The following HAS1 variants were observed in gnomAD, a reference collection of about 807,000 sequenced individuals.
HAS1 encodes HA synthase 1.
Under a neutral mutation model 35.0 loss-of-function variants are expected in HAS1, and 27 were observed. That is an observed-to-expected ratio of 0.77 (90% CI 0.57 to 1.06). The LOEUF is 1.06. HAS1 is among the 50% of genes least tolerant of loss of function. HAS1 has a pLI of 0.00. For missense variants in HAS1, 940 were observed against 814.8 expected (o/e 1.15, Z -1.87); for synonymous variants, 409 against 371.2 (o/e 1.10, Z -1.17).
chr19:51,717,120 C>CG lies in HAS1; in HGVS notation c.772dup (p.Arg258ProfsTer13), dbSNP rs2083592635. 6.2e-7 allele frequency: 1 copy of CG among 1,613,992 alleles called. No homozygotes were observed. Among genetic ancestry groups the CG allele is most frequent in the Admixed American group, 1.7e-5 (1 of 60,014 alleles). ...CACGTCCCCACCAACAGCCCCTACC[C>CG]GGGGGTCCTCGTCCAGTACCCGCAC... On this transcript the variant is annotated frameshift_variant, in exon 3 of 5. Coordinates refer to ENST00000540069, the MANE Select transcript of HAS1 (RefSeq NM_001297436.2). LOFTEE classifies it high-confidence loss of function.
chr19:51,714,708 A>C (rs1254992274), intron 4 of HAS1, among the ~76,000 whole-genome samples: 2 of 150,488 alleles, frequency 1.3e-5, no homozygotes, highest in African/African-American at 2.4e-5. Context: ...GAAAAAAAAA[A>C]AGGCTCTCAT....
chr19:51,714,198 G>C, intron 4 of HAS1, 96 bp from the exon 5 acceptor site: 1 of 1,523,100 alleles, frequency 6.6e-7, no homozygotes, highest in South Asian at 1.2e-5. Context: ...CGGCCACTGG[G>C]GGCGAGTTTC....
At chr19:51,720,062 G>C (rs1021649375) in intron 1 of HAS1, 167 bp from the exon 2 acceptor site, 5 of 553,412 alleles carry the variant, frequency 9.0e-6, no homozygotes, top group Admixed American at 3.6e-5. Flanking sequence ...CTCTCTCTCT[G>C]TGTCTGTCTC....
At chr19:51,716,099 G>A (rs1220250724) in intron 4 of HAS1, 157 bp downstream of exon 4, 7 of 657,206 alleles carry the variant, frequency 1.1e-5, no homozygotes, top group Non-Finnish European at 1.8e-5. Flanking sequence ...TGGCCCCTCT[G>A]CCCATTATGG....
In HAS1 at chr19:51,719,209, C is replaced by A; in HGVS notation, c.696G>T (p.Val232=). The A allele has an allele frequency of 6.4e-7, 1 of 1,560,282 alleles. No homozygotes were observed. Among genetic ancestry groups the A allele is most frequent in the South Asian group, 1.2e-5 (1 of 83,748 alleles). ...FKALGDSVDY[V]QVCDSDTRLD... ...GGCTGAAGGCGCCTCTACTCACCTG[C>A]ACGTAGTCCACCGAATCTCCGAGCG... is the stretch of plus-strand genomic sequence containing the variant. Residue 232 remains valine, a synonymous_variant, in exon 2 of 5, where the codon GTG becomes GTT. Transcript: ENST00000540069.
chr19:51,718,303 G>A (rs898782379), intron 2 of HAS1, among the ~76,000 whole-genome samples: 3 of 151,890 alleles, frequency 2.0e-5, no homozygotes, highest in Non-Finnish European at 4.4e-5. Flanking sequence ...AAATTAATCT[G>A]TATATTGAAT....
chr19:51,714,171 GA>G, intron 4 of HAS1, 69 bp from the exon 5 acceptor site: 2 of 1,556,266 alleles, frequency 1.3e-6, no homozygotes, highest in Non-Finnish European at 1.7e-6. Flanking sequence ...TCTGGAGGCA[GA>G]AATGACCACT....
rs1486517062 is a variant in HAS1 at position 51,719,796 on chromosome 19, A to T, written c.109T>A (p.Trp37Arg). The T allele has an allele frequency of 9.0e-6, 14 of 1,560,040 alleles. No homozygotes were observed. The highest frequency in any genetic ancestry group is 1.4e-5 in the African/African-American group (1 of 73,890). The stretch of plus-strand genomic sequence containing the variant: ...AGCGGCACCCCGGCGGCGTAGGCCC[A>T]GGTCATGAGGCCCAGGATGAGCAGG... ...FALLILGLMT[W>R]AYAAGVPLAS... is the part of the protein sequence containing the mutation. Residue 37 changes from tryptophan to arginine, a missense_variant, in exon 2 of 5, where the codon TGG (tryptophan) becomes AGG (arginine). Physicochemically the swap from Trp to Arg is moderately radical, Grantham distance 101 (BLOSUM62 -3). Transcript: ENST00000540069.
intron 4 of HAS1, among the ~76,000 whole-genome samples, chr19:51,714,370 C>CTAAATAAATAAATAAATAAA (rs112842145): frequency 0.03 from 4,340 of 144,010 alleles, 110 homozygotes; most frequent in South Asian, 0.051. Context: ...CCCATCTCTA[C>CTAAATAAATAAATAAATAAA]TAAATAAATA....
At chr19:51,723,063 G>T (rs941828476) in intron 1 of HAS1, among the ~76,000 whole-genome samples, 1 of 152,098 alleles carries the variant, frequency 6.6e-6, no homozygotes, top group Non-Finnish European at 1.5e-5. Flanking sequence ...AGTTCCTAGG[G>T]ATGGCTCAAT....
At position 51,713,915 on chromosome 19, in the gene HAS1, C is replaced by T. The variant is rs751344880; in HGVS notation, c.1246G>A (p.Ala416Thr). 6 of 1,607,716 alleles carry T rather than the reference C, an allele frequency of 3.7e-6. No individual in the cohort carries two copies. The highest frequency in any genetic ancestry group is 4.2e-6 in the Non-Finnish European group (5 of 1,179,968). Residue 416 changes from alanine (A) to threonine (T), a missense_variant, in exon 5 of 5, where the codon GCC becomes ACC. Coordinates refer to ENST00000540069, the MANE Select transcript of HAS1 (RefSeq NM_001297436.2). This position sits in a 1 kb window ranked among gnomAD's most constrained non-coding sequence, Gnocchi z 4.5. ...GCGTAGAACAGACGCAGCACAGTGG[C>T]CGCCACGAAGAAGGGGAACAGGCCG... ...VSGLFPFFVA[A>T]TVLRLFYAGR...
At chr19:51,721,639 G>A (rs79204148) in intron 1 of HAS1, among the ~76,000 whole-genome samples, 6 of 152,210 alleles carry the variant, frequency 3.9e-5, no homozygotes, top group Admixed American at 2.0e-4. Flanking sequence ...GGTGGCGCAC[G>A]ACTGTAGTCT....
At chr19:51,714,756 G>A (rs1442191936) in intron 4 of HAS1, among the ~76,000 whole-genome samples, 1 of 148,244 alleles carries the variant, frequency 6.7e-6, no homozygotes, top group Non-Finnish European at 1.5e-5. Flanking sequence ...GAAATTAAAC[G>A]CCAAGTGCTT....
In HAS1 at chr19:51,719,987, C is replaced by T. The variant is rs1338653198; in HGVS notation, c.10-92G>A. ...GATTAAAAATCCTTTCCTTCCTTCC[C>T]TCCTTCCCTTTCCCTCCCCTCCCTC... On this transcript the variant is annotated intron_variant, in intron 1 of 4. Transcript: ENST00000540069. The T allele has an allele frequency of 3.3e-5, 26 of 797,540 alleles. No homozygotes were observed. The East Asian group carries it at 7.7e-4, about 24-fold the overall frequency. The allele number at this position is 797,540 out of a possible 1,614,324, so 49.4% of individuals were successfully genotyped here. A position where few individuals can be genotyped will look rare whatever the true frequency, so the allele number is the denominator to read the frequency against.
chr19:51,720,753 C>G (rs551881865), intron 1 of HAS1, among the ~76,000 whole-genome samples: 1 of 152,258 alleles, frequency 6.6e-6, no homozygotes, highest in East Asian at 1.9e-4. Flanking sequence ...GCCACCAAGC[C>G]CAGCCTGATT....
At position 51,713,792 on chromosome 19, in the gene HAS1, T is replaced by G. The variant is rs200754704; in HGVS notation, c.1369A>C (p.Met457Leu). The G allele has an allele frequency of 1.5e-5, 24 of 1,605,786 alleles. No homozygotes were observed. The East Asian group carries it at 5.2e-4, about 35-fold the overall frequency. Residue 457 changes from methionine to leucine, a missense_variant, in exon 5 of 5, where the codon ATG becomes CTG. Physicochemically the swap from Met to Leu is conservative, Grantham distance 15. Transcript: ENST00000540069. The surrounding 1 kb of genome is among the most constrained non-coding windows in gnomAD (Gnocchi z 4.5). Reference protein sequence around the residue: ...FAAWLRGCLRMVLLSLYAPLY... With the variant: ...FAAWLRGCLRLVLLSLYAPLY... The stretch of plus-strand genomic sequence containing the variant: ...GGCGCGTAGAGCGACAGAAGCACCA[T>G]GCGCAGGCAGCCCCGCAGCCAGGCC...
Position 51,713,966 on chromosome 19 carries a change from A to G in HAS1, c.1195T>C (p.Trp399Arg), listed in dbSNP as rs774316632. ...NALWWHRHHA[W>R]MTYEAVVSGL... Reference sequence around the variant, plus strand: ...GAGACCACCGCCTCGTAGGTCATCCACGCATGGTGCCGGTGCCACCAGAGC... The same window carrying G: ...GAGACCACCGCCTCGTAGGTCATCCGCGCATGGTGCCGGTGCCACCAGAGC... Residue 399 changes from tryptophan to arginine, a missense_variant, in exon 5 of 5, where the codon TGG becomes CGG. Physicochemically the swap from Trp to Arg is moderately radical, Grantham distance 101. Transcript: ENST00000540069. This position sits in a 1 kb window ranked among gnomAD's most constrained non-coding sequence, Gnocchi z 4.5. The G allele has an allele frequency of 1.1e-5, 18 of 1,612,882 alleles. No homozygotes were observed. In the South Asian group the frequency reaches 1.9e-4, roughly 17 times the overall value.
chr19:51,723,978 C>A lies in HAS1; in HGVS notation c.-45G>T. 6.5e-7 allele frequency: 1 copy of A among 1,538,130 alleles called. No individual in the cohort carries two copies. On this transcript the variant is annotated 5_prime_UTR_variant, in exon 1 of 5. Coordinates refer to ENST00000540069, the MANE Select transcript of HAS1 (RefSeq NM_001297436.2). The stretch of plus-strand genomic sequence containing the variant: ...CTCTCTCTTCTCTCCGGCTTGCTCT[C>A]CCAGCCTCTCTGTGGCCAGAGAGCT...
chr19:51,717,695 G>A (rs1013192040), intron 2 of HAS1, among the ~76,000 whole-genome samples: 1 of 152,112 alleles, frequency 6.6e-6, no homozygotes, highest in East Asian at 1.9e-4. Flanking sequence ...GAGTTCTATG[G>A]CTGCAAGAAA....
Sources: gnomAD v4.1 joint callset for allele counts (sites outside exome capture counted in the v4.1 genomes callset) on GRCh38, gnomAD v4.1.1 for gene constraint, Gnocchi (gnomAD v3.1) non-coding constraint, MANE v1.5 for transcripts, NCBI Gene and HGNC (gene_info 2026-07-23, HGNC 2026-07-21) for gene names.